Variants in SOX6 observed in about 807,000 individuals in gnomAD.
The protein encoded by SOX6 is SRY-box transcription factor 6, also known as transcription factor SOX-6.
In SOX6, 11 loss-of-function variants were observed where a neutral mutation model predicts 97.8. That is an observed-to-expected ratio of 0.11 (90% CI 0.07 to 0.19). The LOEUF (loss-of-function observed/expected upper bound fraction) is 0.19, where lower values mean the gene tolerates loss of function less well. Among genes scored for constraint, SOX6 ranks in the 10% least tolerant of loss-of-function variants. The probability of loss-of-function intolerance (pLI) is 1.00; values close to 1 mark genes in which losing one functional copy is unlikely to be tolerated. For missense variants in SOX6, 810 were observed against 1,039.5 expected (o/e 0.78, Z 3.04); for synonymous variants, 360 against 371.4 (o/e 0.97, Z 0.35).
intron 9 of SOX6, among the ~76,000 whole-genome samples, chr11:16,067,821 T>C (rs1848129032): frequency 6.6e-6 from 1 of 152,062 alleles, no homozygotes; most frequent in Non-Finnish European, 1.5e-5. Context: ...CCCACAAAAA[T>C]TAAAATTTCA....
chr11:16,491,730 A>G (rs1270675030), intron 4 of SOX6, among the ~76,000 whole-genome samples: 1 of 152,194 alleles, frequency 6.6e-6, no homozygotes, highest in Non-Finnish European at 1.5e-5. Context: ...CAGACTAGAG[A>G]GCACAGAAAA....
At chr11:16,123,200 A>T (rs562572997) in intron 6 of SOX6, among the ~76,000 whole-genome samples, 1 of 152,208 alleles carries the variant, frequency 6.6e-6, no homozygotes, top group South Asian at 2.1e-4. Flanking sequence ...ACAGTTTACC[A>T]AAGTAATAAT....
rs1369601675 is a variant in SOX6 at position 16,605,175 on chromosome 11, G to A, written n.609+6906C>T. Among the ~76,000 whole-genome samples the A allele has an allele frequency of 6.6e-6, 1 of 151,976 alleles. No individual in the cohort carries two copies. The highest frequency in any genetic ancestry group is 1.5e-5 in the Non-Finnish European group (1 of 67,952). Reference sequence around the variant, plus strand: ...CGGCCCCGGCTGCAGAGGAACGGCGGGTGGCGGGGCCCCGGCAGGGCGCCG... The same window carrying A: ...CGGCCCCGGCTGCAGAGGAACGGCGAGTGGCGGGGCCCCGGCAGGGCGCCG... On this transcript the variant is annotated intron_variant and non_coding_transcript_variant, in intron 4 of 5. Transcript: ENST00000524520. This position sits in a 1 kb window ranked among gnomAD's most constrained non-coding sequence, Gnocchi z 5.3.
chr11:16,579,622 A>C (rs1848013259), intron 4 of SOX6, among the ~76,000 whole-genome samples: 1 of 152,072 alleles, frequency 6.6e-6, no homozygotes, highest in African/African-American at 2.4e-5. Context: ...CATCTACGTT[A>C]TTACAAATAT....
intron 13 of SOX6, among the ~76,000 whole-genome samples, chr11:15,991,306 T>C (rs973988984): frequency 3.9e-5 from 6 of 152,212 alleles, no homozygotes; most frequent in African/African-American, 1.4e-4. Context: ...GCCATGTTTA[T>C]TGCGCAGTGA....
chr11:16,578,359 G>A lies in SOX6; in HGVS notation n.609+33722C>T, dbSNP rs142607134. On this transcript the variant is annotated intron_variant and non_coding_transcript_variant, in intron 4 of 5. Transcript: ENST00000524520. ...AATTGCATGTAGAGTTTTTTTAATC[G>A]TATTTTTTCCATCTTTGAACTTTAC... Among the ~76,000 whole-genome samples, 261 of 152,064 alleles carry A rather than the reference G, an allele frequency of 1.7e-3. 6 individuals carry two copies. Among genetic ancestry groups the A allele is most frequent in the Non-Finnish European group, 2.2e-3 (149 of 67,940 alleles).
In SOX6 at chr11:16,277,869, T is replaced by C. The variant is rs1854443903; in HGVS notation, c.445+40577A>G. Among the ~76,000 whole-genome samples the C allele has an allele frequency of 2.0e-5, 3 of 152,372 alleles. No homozygotes were observed. In the South Asian group the frequency reaches 6.2e-4, roughly 32 times the overall value. On this transcript the variant is annotated intron_variant, in intron 3 of 15. Coordinates refer to ENST00000683767, the MANE Select transcript of SOX6 (RefSeq NM_001367873.1). ...CGTGGTTTCAAAGTAAGGTTCTGCC[T>C]ATTATTAACTTTGTGGCCTTGGTTA...
intron 6 of SOX6, among the ~76,000 whole-genome samples, chr11:16,125,968 T>C (rs1012103739): frequency 6.6e-6 from 1 of 152,138 alleles, no homozygotes; most frequent in African/African-American, 2.4e-5. Context: ...ATTTTTCCTA[T>C]TGGAAATTAG....
At chr11:16,623,223 G>A (rs544509635) in intron 3 of SOX6, among the ~76,000 whole-genome samples, 32 of 152,180 alleles carry the variant, frequency 2.1e-4, no homozygotes, top group Admixed American at 5.9e-4. Context: ...GTTTCACCAT[G>A]TTGGTCAGAC....
chr11:16,111,785 A>G lies in SOX6; in HGVS notation c.898+18T>C. On this transcript the variant is annotated intron_variant, in intron 7 of 15. Transcript: ENST00000683767. ...ATCTGAGCATTTGGAAAAGAATGTT[A>G]AATCCCTCTCTACTTACCTGGTTTG... is the stretch of plus-strand genomic sequence containing the variant. 3 of 1,612,900 alleles carry G rather than the reference A, an allele frequency of 1.9e-6. No individual in the cohort carries two copies. Among genetic ancestry groups the G allele is most frequent in the Non-Finnish European group, 2.5e-6 (3 of 1,179,810 alleles).
At chr11:16,166,773 G>T (rs1416559072) in intron 6 of SOX6, among the ~76,000 whole-genome samples, 5 of 152,068 alleles carry the variant, frequency 3.3e-5, no homozygotes, top group South Asian at 2.1e-4. Context: ...GCTTTAAAAA[G>T]ACAAAGATAA....
chr11:16,393,751 G>A (rs1363029008), intron 1 of SOX6, among the ~76,000 whole-genome samples: 2 of 151,996 alleles, frequency 1.3e-5, no homozygotes, highest in Non-Finnish European at 2.9e-5. Flanking sequence ...CTAATTACAT[G>A]CCTTTAACCA....
At chr11:16,520,960 T>C (rs1035045706) in intron 4 of SOX6, among the ~76,000 whole-genome samples, 4 of 152,078 alleles carry the variant, frequency 2.6e-5, no homozygotes, top group African/African-American at 9.7e-5. Context: ...CTTGCTTAGG[T>C]AAACAAAGCA....
chr11:16,097,984 T>TA (rs1262901771), intron 7 of SOX6, among the ~76,000 whole-genome samples: 6 of 151,772 alleles, frequency 4.0e-5, no homozygotes, highest in East Asian at 3.9e-4. Context: ...TTTTTAAGAG[T>TA]AAAAAAATAT....
intron 3 of SOX6, among the ~76,000 whole-genome samples, chr11:16,667,777 A>G (rs1357460593): frequency 1.3e-5 from 2 of 152,228 alleles, no homozygotes; most frequent in East Asian, 3.8e-4. Flanking sequence ...GTACATAGAA[A>G]GATGCAGATT....
At chr11:16,023,744 G>A (rs182522549) in intron 12 of SOX6, among the ~76,000 whole-genome samples, 56 of 152,162 alleles carry the variant, frequency 3.7e-4, no homozygotes, top group African/African-American at 1.2e-3. Flanking sequence ...TCTTATGAAA[G>A]GGTAATAGAA....
At chr11:16,275,642 G>A (rs569070022) in intron 3 of SOX6, among the ~76,000 whole-genome samples, 2 of 152,306 alleles carry the variant, frequency 1.3e-5, no homozygotes, top group African/African-American at 4.8e-5. Context: ...AAGGGAAAAG[G>A]AAGCATAGGT....
chr11:16,228,463 A>C (rs1852748722), intron 4 of SOX6, among the ~76,000 whole-genome samples: 1 of 152,090 alleles, frequency 6.6e-6, no homozygotes, highest in African/African-American at 2.4e-5. Flanking sequence ...TTAAGGAGAG[A>C]TTTTCTATTT....
chr11:16,083,484 GA>G (rs1011716332), intron 9 of SOX6, among the ~76,000 whole-genome samples: 5 of 152,062 alleles, frequency 3.3e-5, no homozygotes, highest in Admixed American at 6.5e-5. Context: ...ATTCGCTTGT[GA>G]AAAAAATATA....
Sources: allele counts gnomAD v4.1 joint callset (sites outside exome capture counted in the v4.1 genomes callset), GRCh38; gene constraint gnomAD v4.1.1; non-coding constraint Gnocchi (gnomAD v3.1); transcripts MANE v1.5; gene names NCBI Gene and HGNC (gene_info 2026-07-23, HGNC 2026-07-21).